The following LYPLA1 variants were observed in gnomAD, a reference collection of about 807,000 sequenced individuals.
The protein encoded by LYPLA1 is lysophospholipase 1, also known as acyl-protein thioesterase 1.
In LYPLA1, 17 loss-of-function variants were observed where a neutral mutation model predicts 34.0. The observed-to-expected ratio is 0.50, with a 90% confidence interval of 0.34 to 0.75. LYPLA1 has a LOEUF of 0.75. LYPLA1 is among the 30% of genes least tolerant of loss of function. The pLI, the probability that LYPLA1 is intolerant of heterozygous loss-of-function variation, is 0.01. For missense variants in LYPLA1, 203 were observed against 288.8 expected (o/e 0.70, Z 2.15); for synonymous variants, 98 against 100.8 (o/e 0.97, Z 0.17).
chr8:54,085,810 G>T (rs1327981354), intron 2 of LYPLA1, among the ~76,000 whole-genome samples: 6 of 137,478 alleles, frequency 4.4e-5, no homozygotes, highest in Non-Finnish European at 6.3e-5. Context: ...CGCGAGGTGG[G>T]GGGGGGGCAG....
chr8:54,050,870 C>A, intron 8 of LYPLA1, 142 bp downstream of exon 8: 1 of 756,132 alleles, frequency 1.3e-6, no homozygotes, highest in Non-Finnish European at 2.2e-6. Flanking sequence ...GTTGAATACA[C>A]ACTCATCTAA....
chr8:54,084,594 A>G (rs754575206), intron 2 of LYPLA1, among the ~76,000 whole-genome samples: 8 of 152,190 alleles, frequency 5.3e-5, no homozygotes, highest in Non-Finnish European at 8.8e-5. Context: ...GAGACTATCA[A>G]CTAAAGCAAA....
At chr8:54,070,712 G>A (rs1185638637) in intron 2 of LYPLA1, among the ~76,000 whole-genome samples, 1 of 152,106 alleles carries the variant, frequency 6.6e-6, no homozygotes, top group East Asian at 1.9e-4. Context: ...GGCAGAGCGA[G>A]ACTCCATCTC....
At chr8:54,053,017 T>C (rs1460296856) in intron 6 of LYPLA1, 2 of 389,186 alleles carry the variant, frequency 5.1e-6, no homozygotes, top group African/African-American at 2.0e-5. Context: ...CAACATGCCT[T>C]ACGAATATTC....
At chr8:54,052,950 A>G (rs1159217288) in intron 6 of LYPLA1, 194 bp from the exon 7 acceptor site, 1 of 503,974 alleles carries the variant, frequency 2.0e-6, no homozygotes, top group Non-Finnish European at 3.6e-6. Context: ...ACCAGAGAAC[A>G]TACAGACTTC....
chr8:54,085,586 TG>T (rs903135382), intron 2 of LYPLA1, among the ~76,000 whole-genome samples: 3 of 147,920 alleles, frequency 2.0e-5, no homozygotes, highest in African/African-American at 7.5e-5. Flanking sequence ...GCCTCTGCCC[TG>T]CCGCCCCGTC....
chr8:54,074,530 T>C (rs942356273), intron 2 of LYPLA1, among the ~76,000 whole-genome samples: 2 of 152,248 alleles, frequency 1.3e-5, no homozygotes, highest in Admixed American at 1.3e-4. Flanking sequence ...TCATACACCT[T>C]TTCCAGGACC....
chr8:54,101,909 G>C lies in LYPLA1; in HGVS notation c.-86C>G, dbSNP rs1428989970. On this transcript the variant is annotated 5_prime_UTR_variant, in exon 1 of 9. Coordinates refer to ENST00000316963, the MANE Select transcript of LYPLA1 (RefSeq NM_006330.4). ...GGCGTGCGAGCGGCGAGTCCCGGCC[G>C]GCCCCACCGGGCGCACGCTCAGGCG... 5 of 753,668 alleles carry C rather than the reference G, an allele frequency of 6.6e-6. No homozygotes were observed. The highest frequency in any genetic ancestry group is 7.0e-6 in the Non-Finnish European group (4 of 575,336). The allele number at this position is 753,668 out of a possible 1,614,324, so 46.7% of individuals were successfully genotyped here. A position where few individuals can be genotyped will look rare whatever the true frequency, so the allele number is the denominator to read the frequency against.
intron 2 of LYPLA1, among the ~76,000 whole-genome samples, chr8:54,070,326 C>A (rs534851344): frequency 6.6e-6 from 1 of 152,122 alleles, no homozygotes; most frequent in East Asian, 1.9e-4. Flanking sequence ...AAAACAAAAA[C>A]AAAAACACAA....
intron 2 of LYPLA1, among the ~76,000 whole-genome samples, chr8:54,079,541 G>A (rs1405555154): frequency 6.6e-6 from 1 of 152,146 alleles, no homozygotes; most frequent in Non-Finnish European, 1.5e-5. Flanking sequence ...AGTGGCTCAA[G>A]CCTTTGACCC....
At chr8:54,080,617 T>G (rs1808241903) in intron 2 of LYPLA1, among the ~76,000 whole-genome samples, 4 of 151,402 alleles carry the variant, frequency 2.6e-5, no homozygotes. Context: ...AGATGGAGCC[T>G]CTCTCTGTTG....
At chr8:54,057,041 A>G (rs764928346) in intron 5 of LYPLA1, among the ~76,000 whole-genome samples, 11 of 152,242 alleles carry the variant, frequency 7.2e-5, no homozygotes, top group Non-Finnish European at 1.0e-4. Context: ...ATGCAAATCA[A>G]AACTACAATG....
chr8:54,045,944 C>T (rs895521734), downstream of LYPLA1, among the ~76,000 whole-genome samples: 1 of 152,004 alleles, frequency 6.6e-6, no homozygotes, highest in Non-Finnish European at 1.5e-5. Context: ...TCCTGTAATC[C>T]CAGCTACTTA....
chr8:54,096,784 C>T (rs890321414), intron 2 of LYPLA1, among the ~76,000 whole-genome samples: 2 of 151,760 alleles, frequency 1.3e-5, no homozygotes, highest in African/African-American at 2.4e-5. Flanking sequence ...CGGCACGCAC[C>T]TATAGTCCCA....
At chr8:54,086,836 C>T (rs542566520) in intron 2 of LYPLA1, among the ~76,000 whole-genome samples, 1 of 152,164 alleles carries the variant, frequency 6.6e-6, no homozygotes, top group Admixed American at 6.5e-5. Flanking sequence ...GGTGACAGAG[C>T]GAGACCCTGT....
intron 5 of LYPLA1, among the ~76,000 whole-genome samples, chr8:54,057,744 A>AC (rs1352155158): frequency 6.6e-6 from 1 of 152,184 alleles, no homozygotes; most frequent in Non-Finnish European, 1.5e-5. Context: ...ATTTGACAGT[A>AC]CAATAGGGTG....
chr8:54,044,422 CG>C (rs1563543061), downstream of LYPLA1, among the ~76,000 whole-genome samples: 1 of 152,048 alleles, frequency 6.6e-6, no homozygotes, highest in African/African-American at 2.4e-5. Context: ...TATTTAACTT[CG>C]TGTGTTGACA....
intron 2 of LYPLA1, among the ~76,000 whole-genome samples, chr8:54,075,667 T>C (rs1348147112): frequency 1.3e-5 from 2 of 152,206 alleles, no homozygotes; most frequent in Non-Finnish European, 2.9e-5. Context: ...AGAGAACAAT[T>C]ATACTTATTA....
Position 54,092,688 on chromosome 8 carries a change from T to C in LYPLA1, c.101+8220A>G, listed in dbSNP as rs2129366746. On this transcript the variant is annotated intron_variant, in intron 2 of 8. Coordinates refer to ENST00000316963, the MANE Select transcript of LYPLA1 (RefSeq NM_006330.4). ...TTCAGTGACAATGAAAAACTCAAGA[T>C]TTAAGAATTCTGGCTGGGTGTAGTG... is the stretch of plus-strand genomic sequence containing the variant. Among the ~76,000 whole-genome samples, 2 of 152,246 alleles carry C rather than the reference T, an allele frequency of 1.3e-5. 1 individual carries two copies. Among genetic ancestry groups the C allele is most frequent in the Middle Eastern group, 6.8e-3 (2 of 294 alleles).
Sources: allele counts gnomAD v4.1 joint callset (sites outside exome capture counted in the v4.1 genomes callset), GRCh38; gene constraint gnomAD v4.1.1; transcripts MANE v1.5; gene names NCBI Gene and HGNC (gene_info 2026-07-23, HGNC 2026-07-21).